TTN: variants seen among roughly 807,000 people sequenced by gnomAD.
TTN encodes connectin.
TTN carries 1,525 observed loss-of-function variants against 3,223.0 expected under a neutral mutation model. That is an observed-to-expected ratio of 0.47 (90% CI 0.45 to 0.49). TTN has a LOEUF of 0.49. TTN is among the 20% of genes least tolerant of loss of function. TTN has a pLI of 0.00. For synonymous variants in TTN, 14,094 were observed against 15,161.0 expected, an observed-to-expected ratio of 0.93 and a Z score of 5.17; for missense variants, 40,786 against 43,424.0, an observed-to-expected ratio of 0.94 and a Z score of 5.40.
In TTN at chr2:178,770,447, C is replaced by A; in HGVS notation, c.8345G>T (p.Gly2782Val). ...CAGTCTGGCACTGGCTCCAAGCCTT[C>A]CAAGCCTGAAGCCATAAACAGACTC... is the stretch of plus-strand genomic sequence containing the variant. ...VDESVYGFRL[G>V]RLGASARLHV... The change falls in exon 35 of 363, where the codon GGA (glycine) becomes GTA (valine). Residue 2782 changes from glycine to valine, a missense_variant. Gly to Val is a moderately radical substitution (Grantham distance 109). Transcript: ENST00000589042. 6.2e-7 allele frequency: 1 copy of A among 1,614,146 alleles called. No individual in the cohort carries two copies. Among genetic ancestry groups the A allele is most frequent in the Non-Finnish European group, 8.5e-7 (1 of 1,180,010 alleles).
At position 178,546,991 on chromosome 2, in the gene TTN, T is replaced by A; in HGVS notation, c.94522+12A>T. 3 of 1,601,900 alleles carry A rather than the reference T, an allele frequency of 1.9e-6. No homozygotes were observed. Among genetic ancestry groups the A allele is most frequent in the Non-Finnish European group, 2.6e-6 (3 of 1,172,450 alleles). The stretch of plus-strand genomic sequence containing the variant: ...ATAATAAACAAATATGCCCTTAAAT[T>A]GTGATACATACCAACTGGATTTTGA... On this transcript the variant is annotated intron_variant, in intron 340 of 362. Coordinates refer to ENST00000589042, the MANE Select transcript of TTN (RefSeq NM_001267550.2).
At position 178,785,877 on chromosome 2, in the gene TTN, C is replaced by T; in HGVS notation, c.2341G>A (p.Asp781Asn). 1 of 1,614,032 alleles carries T rather than the reference C, an allele frequency of 6.2e-7. No homozygotes were observed. The highest frequency in any genetic ancestry group is 8.5e-7 in the Non-Finnish European group (1 of 1,179,982). Residue 781 changes from aspartate (D) to asparagine (N), a missense_variant, in exon 14 of 363, where the codon GAT (aspartate) becomes AAT (asparagine). Coordinates refer to ENST00000589042, the MANE Select transcript of TTN (RefSeq NM_001267550.2). Reference sequence around the variant, plus strand: ...GATGATATGTGCATTCCCTTTTGATCAGTAGTTTTGATATGAGTCTCAGAA... The same window carrying T: ...GATGATATGTGCATTCCCTTTTGATTAGTAGTTTTGATATGAGTCTCAGAA... ...APSETHIKTT[D>N]QKGMHISSQI...
chr2:178,646,013 C>T lies in TTN; in HGVS notation c.40315G>A (p.Val13439Ile). The T allele has an allele frequency of 1.3e-6, 2 of 1,565,670 alleles. No individual in the cohort carries two copies. The highest frequency in any genetic ancestry group is 1.7e-6 in the Non-Finnish European group (2 of 1,160,624). Residue 13439 changes from valine (V) to isoleucine (I), a missense_variant, in exon 217 of 363, where the codon GTT (valine) becomes ATT (isoleucine). Physicochemically the swap from Val to Ile is conservative, Grantham distance 29. Transcript: ENST00000589042. Reference sequence around the variant, plus strand: ...GGTTTGAGTTTTGGCTTCTCAATAACCTTTTCAGGTTCAGGTTCTTGAAAG... The same window carrying T: ...GGTTTGAGTTTTGGCTTCTCAATAATCTTTTCAGGTTCAGGTTCTTGAAAG... ...IPVKEPEPEK[V>I]IEKPKLKPRP...
chr2:178,763,563 G>T (rs1179369451), intron 43 of TTN, among the ~76,000 whole-genome samples: 3 of 152,058 alleles, frequency 2.0e-5, no homozygotes, highest in Non-Finnish European at 2.9e-5. Flanking sequence ...CACTAAAACG[G>T]AATTCCTAGC....
chr2:178,670,392 A>C, intron 156 of TTN, 97 bp from the exon 157 acceptor site: 1 of 572,306 alleles, frequency 1.7e-6, no homozygotes, highest in Non-Finnish European at 2.7e-6. Flanking sequence ...GAACACAGCA[A>C]CAATATAAAA....
Position 178,702,683 on chromosome 2 carries a change from G to A in TTN, c.30224-20C>T. Reference sequence around the variant, plus strand: ...GTTCAGCTGTTTAAGTACAAAGAGGGTTCAAAGTTAGATTATATAGAGAGG... The same window carrying A: ...GTTCAGCTGTTTAAGTACAAAGAGGATTCAAAGTTAGATTATATAGAGAGG... On this transcript the variant is annotated intron_variant, in intron 106 of 362. Transcript: ENST00000589042. The A allele has an allele frequency of 6.2e-7, 1 of 1,600,970 alleles. No homozygotes were observed. Among genetic ancestry groups the A allele is most frequent in the Non-Finnish European group, 8.5e-7 (1 of 1,170,742 alleles).
rs762487213 is a variant in TTN, at chr2:178,741,560, T to C, written c.11673A>G (p.Thr3891=). The change falls in exon 48 of 363, where the codon ACA becomes ACG. Residue 3891 remains threonine (T), a synonymous_variant. Coordinates refer to ENST00000589042, the MANE Select transcript of TTN (RefSeq NM_001267550.2). ...FTKLEDEGEY[T]CMASNDYGKT... is the part of the protein sequence containing the mutation. The stretch of plus-strand genomic sequence containing the variant: ...TTCCATAGTCATTACTGGCCATACA[T>C]GTATACTCTCCCTCATCCTCCAATT... 6.2e-7 allele frequency: 1 copy of C among 1,613,862 alleles called. No homozygotes were observed. The highest frequency in any genetic ancestry group is 8.5e-7 in the Non-Finnish European group (1 of 1,179,820).
chr2:178,683,132 T>C (rs933488112), intron 134 of TTN, 79 bp downstream of exon 134: 3 of 1,049,548 alleles, frequency 2.9e-6, no homozygotes, highest in South Asian at 1.4e-5. Flanking sequence ...TAATAAAGTA[T>C]AGGAGTCAGA....
rs1701808515 is a variant in TTN at position 178,557,158 on chromosome 2, A to G, written c.88010-14T>C. 1.2e-6 allele frequency: 2 copies of G among 1,612,940 alleles called. No individual in the cohort carries two copies. Among genetic ancestry groups the G allele is most frequent in the African/African-American group, 2.7e-5 (2 of 74,864 alleles). ...TTCTTGGGGGTTCTGTGGTAATAAGAGAAGCAGATTAGCGGCACTTATAAT... is the reference window on the plus strand; with the variant it reads ...TTCTTGGGGGTTCTGTGGTAATAAGGGAAGCAGATTAGCGGCACTTATAAT... On this transcript the variant is annotated splice_polypyrimidine_tract_variant and intron_variant, in intron 329 of 362. Transcript: ENST00000589042.
Position 178,597,617 on chromosome 2 carries a change from C to T in TTN, c.57465G>A (p.Arg19155=). The change falls in exon 294 of 363, where the codon AGG becomes AGA. Residue 19155 remains arginine (R), a synonymous_variant. Coordinates refer to ENST00000589042, the MANE Select transcript of TTN (RefSeq NM_001267550.2). ...SSSMVIKNCQ[R]SHQGVYSLLA... is the part of the protein sequence containing the mutation. ...GAAGAGAATAGACGCCTTGATGGCTCCTCTGGCAGTTCTTGATGACCATGG... is the reference window on the plus strand; with the variant it reads ...GAAGAGAATAGACGCCTTGATGGCTTCTCTGGCAGTTCTTGATGACCATGG... 1 of 1,613,176 alleles carries T rather than the reference C, an allele frequency of 6.2e-7. No homozygotes were observed.
At position 178,544,129 on chromosome 2, in the gene TTN, G is replaced by T. The variant is rs1695906220; in HGVS notation, c.96029-14C>A. 2 of 1,602,026 alleles carry T rather than the reference G, an allele frequency of 1.2e-6. No homozygotes were observed. The highest frequency in any genetic ancestry group is 2.2e-5 in the South Asian group (2 of 89,814). ...GATCTGGTATTTCTGGAAAGTTAATGACAAAATTTAATTAATTCATGGACA... is the reference window on the plus strand; with the variant it reads ...GATCTGGTATTTCTGGAAAGTTAATTACAAAATTTAATTAATTCATGGACA... On this transcript the variant is annotated splice_polypyrimidine_tract_variant and intron_variant, in intron 345 of 362. Transcript: ENST00000589042.
Position 178,769,717 on chromosome 2 carries a change from C to T in TTN, c.8864G>A (p.Cys2955Tyr). 5.0e-6 allele frequency: 8 copies of T among 1,613,576 alleles called. No individual in the cohort carries two copies. Among genetic ancestry groups the T allele is most frequent in the Non-Finnish European group, 6.8e-6 (8 of 1,179,812 alleles). The change falls in exon 37 of 363, where the codon TGT becomes TAT. Residue 2955 changes from cysteine to tyrosine, a missense_variant. Cys to Tyr is a radical substitution (Grantham distance 194). Coordinates refer to ENST00000589042, the MANE Select transcript of TTN (RefSeq NM_001267550.2). ...GGTGGCACTGACTTGGTCATTGCCA[C>T]AGACAAATGTGTATTCTGCCGAGTC... ...TEDSAEYTFV[C>Y]GNDQVSATLT...
chr2:178,636,649 A>C lies in TTN; in HGVS notation c.41078T>G (p.Ile13693Ser). 6.2e-7 allele frequency: 1 copy of C among 1,613,362 alleles called. No individual in the cohort carries two copies. Among genetic ancestry groups the C allele is most frequent in the Non-Finnish European group, 8.5e-7 (1 of 1,179,552 alleles). Residue 13693 changes from isoleucine to serine, a missense_variant, in exon 225 of 363, where the codon ATC becomes AGC. Transcript: ENST00000589042. The surrounding 1 kb of genome is among the most constrained non-coding windows in gnomAD (Gnocchi z 4.3). Reference sequence around the variant, plus strand: ...GCCAACGAACTCTGATTCTGTCAAGATGATGTCTTTGATTTCTTTCACAAA... The same window carrying C: ...GCCAACGAACTCTGATTCTGTCAAGCTGATGTCTTTGATTTCTTTCACAAA... ...LKFVKEIKDI[I>S]LTESEFVGSS...
At chr2:178,778,478 G>A in intron 24 of TTN, 1 of 308,690 alleles carries the variant, frequency 3.2e-6, no homozygotes, top group South Asian at 3.3e-5. Flanking sequence ...GAGTTTGAAT[G>A]CTGGCACCAC....
In TTN at chr2:178,664,544, A is replaced by G. The variant is rs1490205171; in HGVS notation, c.36203-7T>C. On this transcript the variant is annotated splice_region_variant and splice_polypyrimidine_tract_variant and intron_variant, in intron 167 of 362. Transcript: ENST00000589042. ...TCTCTGAGAGCCTCCGGCACTTTGA[A>G]GATATTAATAATTTTACATTTAGAA... 1.2e-6 allele frequency: 2 copies of G among 1,608,972 alleles called. No homozygotes were observed. The highest frequency in any genetic ancestry group is 1.7e-6 in the Non-Finnish European group (2 of 1,178,234).
At position 178,717,649 on chromosome 2, in the gene TTN, A is replaced by G; in HGVS notation, c.25225T>C (p.Ser8409Pro). 1 of 1,613,432 alleles carries G rather than the reference A, an allele frequency of 6.2e-7. No individual in the cohort carries two copies. The highest frequency in any genetic ancestry group is 1.3e-5 in the African/African-American group (1 of 75,028). The part of the protein sequence containing the change: ...LLKDDANLQT[S>P]FVHNVATLQI... ...AGAGTTGCTACATTATGAACAAAAG[A>G]TGTCTGCAAATTAGCATCATCTTTC... is the stretch of plus-strand genomic sequence containing the variant. The change falls in exon 87 of 363, where the codon TCT (serine) becomes CCT (proline). Residue 8409 changes from serine to proline, a missense_variant. Coordinates refer to ENST00000589042, the MANE Select transcript of TTN (RefSeq NM_001267550.2).
In TTN at chr2:178,616,577, C is replaced by T. The variant is rs1259814759; in HGVS notation, c.48214G>A (p.Val16072Ile). The change falls in exon 257 of 363, where the codon GTA (valine) becomes ATA (isoleucine). Residue 16072 changes from valine to isoleucine, a missense_variant. Transcript: ENST00000589042. ...TCAGGTGGTTCCCAAGTCAAATGTA[C>T]TGAGTCCTTGGTTATATCACCAAAT... ...LKFGDITKDS[V>I]HLTWEPPDDD... 1.2e-6 allele frequency: 2 copies of T among 1,612,250 alleles called. No individual in the cohort carries two copies. The highest frequency in any genetic ancestry group is 1.7e-6 in the Non-Finnish European group (2 of 1,178,994).
chr2:178,732,604 C>T lies in TTN; in HGVS notation c.16457G>A (p.Gly5486Asp). The change falls in exon 56 of 363, where the codon GGC (glycine) becomes GAC (aspartate). Residue 5486 changes from glycine (G) to aspartate (D), a missense_variant. Physicochemically the swap from Gly to Asp is moderately conservative, Grantham distance 94 (BLOSUM62 -1). Transcript: ENST00000589042. ...TCCACCAGAAACCAGCTCTTTGTTG[C>T]CCTTAAACCATCTGATTGTGAGAGG... ...STPLTIRWFKGNKELVSGGSC... is the reference protein window; with the variant it reads ...STPLTIRWFKDNKELVSGGSC... The T allele has an allele frequency of 1.2e-6, 2 of 1,613,566 alleles. No individual in the cohort carries two copies. Among genetic ancestry groups the T allele is most frequent in the Non-Finnish European group, 1.7e-6 (2 of 1,179,724 alleles).
intron 16 of TTN, 50 bp from the exon 17 acceptor site, chr2:178,783,835 T>C (rs773937498): frequency 7.6e-6 from 11 of 1,446,832 alleles, no homozygotes; most frequent in Non-Finnish European, 1.1e-5. Context: ...TTAAGGGAAA[T>C]CTCATAAACT....
Sources: allele counts gnomAD v4.1 joint callset (sites outside exome capture counted in the v4.1 genomes callset), GRCh38; gene constraint gnomAD v4.1.1; non-coding constraint Gnocchi (gnomAD v3.1); transcripts MANE v1.5; gene names NCBI Gene and HGNC (gene_info 2026-07-23, HGNC 2026-07-21).